PSMD11: variants seen among roughly 807,000 people sequenced by gnomAD.
PSMD11 encodes proteasome 26S subunit, non-ATPase 11, also known as 26S proteasome non-ATPase regulatory subunit 11.
PSMD11 carries 5 observed loss-of-function variants against 62.3 expected under a neutral mutation model. The ratio of observed to expected loss-of-function variants is 0.08; its 90% CI spans 0.04 to 0.17. The LOEUF (loss-of-function observed/expected upper bound fraction) is 0.17, where lower values mean the gene tolerates loss of function less well. Among genes scored for constraint, PSMD11 ranks in the 10% least tolerant of loss-of-function variants. The probability of loss-of-function intolerance (pLI) is 1.00; values close to 1 mark genes in which losing one functional copy is unlikely to be tolerated. For synonymous variants in PSMD11, 191 were observed against 191.8 expected (o/e 1.00, Z 0.03); for missense variants, 310 against 512.9 (o/e 0.60, Z 3.82).
chr17:32,473,400 C>T (rs1465519752), intron 6 of PSMD11, among the ~76,000 whole-genome samples: 1 of 151,902 alleles, frequency 6.6e-6, no homozygotes, highest in African/African-American at 2.4e-5. Context: ...CCTCAGCCTC[C>T]CGAGTAGCAG....
At chr17:32,462,233 A>T (rs897404813) in intron 3 of PSMD11, among the ~76,000 whole-genome samples, 17 of 152,186 alleles carry the variant, frequency 1.1e-4, no homozygotes, top group African/African-American at 3.9e-4. Flanking sequence ...GTGTCCTTTG[A>T]AAAAACTCCC....
chr17:32,458,285 A>G (rs1907709287), intron 3 of PSMD11, among the ~76,000 whole-genome samples: 1 of 152,140 alleles, frequency 6.6e-6, no homozygotes, highest in Admixed American at 6.5e-5. Context: ...AGAATTAGAT[A>G]ATTAATGGTT....
chr17:32,466,023 T>G (rs1340481416), intron 5 of PSMD11, among the ~76,000 whole-genome samples: 1 of 151,442 alleles, frequency 6.6e-6, no homozygotes, highest in Non-Finnish European at 1.5e-5. Context: ...TGAGATGGAG[T>G]CTCACTCTGT....
chr17:32,471,198 A>C (rs1036519569), intron 6 of PSMD11, among the ~76,000 whole-genome samples: 2 of 152,220 alleles, frequency 1.3e-5, no homozygotes, highest in Non-Finnish European at 1.5e-5. Flanking sequence ...TAGGGTTTAG[A>C]TGCCTCCCAA....
Position 32,483,256 on chromosome 17 carries a change from T to A in PSMD11, c.*2504T>A, listed in dbSNP as rs1000577801. On this transcript the variant is annotated 3_prime_UTR_variant, in exon 14 of 14. Coordinates refer to ENST00000261712, the MANE Select transcript of PSMD11 (RefSeq NM_002815.4). Reference sequence around the variant, plus strand: ...AAGGAGTGTAAAATATGTCAATAACTTTTTTATATATGTGTTGAAATATTT... The same window carrying A: ...AAGGAGTGTAAAATATGTCAATAACATTTTTATATATGTGTTGAAATATTT... The A allele has an allele frequency of 6.6e-5, 10 of 152,246 alleles. No homozygotes were observed. Among genetic ancestry groups the A allele is most frequent in the African/African-American group, 2.4e-4 (10 of 41,464 alleles). The allele number at this position is 152,246 out of a possible 1,614,324, so 9.4% of individuals were successfully genotyped here.
At chr17:32,480,350 T>G in intron 12 of PSMD11, 139 bp from the exon 13 acceptor site, 1 of 1,445,322 alleles carries the variant, frequency 6.9e-7, no homozygotes, top group Admixed American at 1.7e-5. Flanking sequence ...GTAATAAGCA[T>G]GTGTACATGG....
rs549878326 is a variant in PSMD11, at chr17:32,483,128, T to C, written c.*2376T>C. 5 of 152,318 alleles carry C rather than the reference T, an allele frequency of 3.3e-5. 1 individual carries two copies. In the South Asian group the frequency reaches 1.0e-3, roughly 32 times the overall value. The allele number at this position is 152,318 out of a possible 1,614,324, so 9.4% of individuals were successfully genotyped here. A position where few individuals can be genotyped will look rare whatever the true frequency, so the allele number is the denominator to read the frequency against. ...CTGTCCAATATGTAGCCGCTAGCCATGTGCAGCTGTCAGGCCCTTGCAACG... is the reference window on the plus strand; with the variant it reads ...CTGTCCAATATGTAGCCGCTAGCCACGTGCAGCTGTCAGGCCCTTGCAACG... On this transcript the variant is annotated 3_prime_UTR_variant, in exon 14 of 14. Coordinates refer to ENST00000261712, the MANE Select transcript of PSMD11 (RefSeq NM_002815.4).
intron 8 of PSMD11, among the ~76,000 whole-genome samples, chr17:32,475,494 A>G (rs180800399): frequency 6.6e-6 from 1 of 152,218 alleles, no homozygotes; most frequent in East Asian, 1.9e-4. Context: ...TTTCAACTGC[A>G]GTGGTCTCTA....
intron 8 of PSMD11, among the ~76,000 whole-genome samples, chr17:32,476,519 C>A (rs1908326268): frequency 6.6e-6 from 1 of 152,172 alleles, no homozygotes; most frequent in Admixed American, 6.5e-5. Context: ...GTATAAGACA[C>A]ACTGTTCTTA....
intron 3 of PSMD11, among the ~76,000 whole-genome samples, chr17:32,462,365 C>T (rs1907868915): frequency 6.6e-6 from 1 of 152,146 alleles, no homozygotes; most frequent in Admixed American, 6.5e-5. Context: ...AGAAATCTTA[C>T]TTTGAATTTA....
chr17:32,470,177 T>C (rs1908123193), intron 6 of PSMD11, among the ~76,000 whole-genome samples: 1 of 152,060 alleles, frequency 6.6e-6, no homozygotes, highest in Admixed American at 6.6e-5. Flanking sequence ...CATGCCAAGC[T>C]AACTTTTTGT....
chr17:32,448,748 AC>A (rs1210437188), intron 2 of PSMD11, among the ~76,000 whole-genome samples: 1 of 152,220 alleles, frequency 6.6e-6, no homozygotes, highest in Non-Finnish European at 1.5e-5. Context: ...AGGTTTTGTT[AC>A]CATTTTACAC....
At position 32,461,101 on chromosome 17, in the gene PSMD11, G is replaced by A. The variant is rs1050352583; in HGVS notation, c.319-2948G>A. ...TAGCACTTTTTCTTTTTTTTGAGAC[G>A]GAGTCTCGCACCGTCGCCCGGGCTG... On this transcript the variant is annotated intron_variant, in intron 3 of 13. Transcript: ENST00000261712. Among the ~76,000 whole-genome samples the A allele has an allele frequency of 5.9e-5, 9 of 151,916 alleles. 1 individual carries two copies. The South Asian group carries it at 8.3e-4, about 14-fold the overall frequency.
chr17:32,457,127 A>G (rs979808730), intron 3 of PSMD11, among the ~76,000 whole-genome samples: 3 of 152,214 alleles, frequency 2.0e-5, no homozygotes, highest in Admixed American at 2.0e-4. Flanking sequence ...TTCATTGCAC[A>G]TTACATTTAT....
intron 3 of PSMD11, among the ~76,000 whole-genome samples, chr17:32,459,284 T>G (rs923922213): frequency 6.6e-6 from 1 of 151,916 alleles, no homozygotes; most frequent in African/African-American, 2.4e-5. Context: ...AGTGGTATGC[T>G]CACAGCTCAC....
chr17:32,479,928 G>C (rs775224532), intron 11 of PSMD11, 42 bp downstream of exon 11: 6 of 1,600,954 alleles, frequency 3.7e-6, no homozygotes, highest in Non-Finnish European at 3.4e-6. Flanking sequence ...AATGGGACGG[G>C]GTGGCGAGGA....
chr17:32,467,860 A>G (rs1908043318), intron 5 of PSMD11, among the ~76,000 whole-genome samples: 2 of 152,144 alleles, frequency 1.3e-5, no homozygotes, highest in Non-Finnish European at 2.9e-5. Context: ...TTTGTTACAT[A>G]GGTAAACTTG....
rs115922157 is a variant in PSMD11, at chr17:32,480,059, C to T, written c.1075-87C>T. On this transcript the variant is annotated intron_variant, in intron 11 of 13. Transcript: ENST00000261712. ...GCTATTTTGTTTTCAGTCCATTTGG[C>T]CTAAGACCCCTCCAACAAAGCTACT... The T allele has an allele frequency of 1.5e-3, 2,362 of 1,526,896 alleles. 27 individuals are homozygous for T. The African/African-American group carries it at 0.029, about 19-fold the overall frequency. 94.6% of individuals were successfully genotyped at this position (1,526,896 alleles called of 1,614,324 possible).
intron 2 of PSMD11, among the ~76,000 whole-genome samples, chr17:32,453,390 G>C (rs572199455): frequency 9.2e-5 from 14 of 152,326 alleles, no homozygotes; most frequent in African/African-American, 3.4e-4. Context: ...CTGTAGTCTT[G>C]TGCAGAGGTG....
Sources: allele counts gnomAD v4.1 joint callset (sites outside exome capture counted in the v4.1 genomes callset), GRCh38; gene constraint gnomAD v4.1.1; transcripts MANE v1.5; gene names NCBI Gene and HGNC (gene_info 2026-07-23, HGNC 2026-07-21).